DOCK1: variants seen among roughly 807,000 people sequenced by gnomAD.
DOCK1 encodes dedicator of cytokinesis protein 1.
DOCK1 carries 138 observed loss-of-function variants against 262.7 expected under a neutral mutation model. That is an observed-to-expected ratio of 0.53 (90% CI 0.46 to 0.61). The LOEUF (loss-of-function observed/expected upper bound fraction) is 0.61. Ranked by LOEUF, DOCK1 falls within the 20% of genes least tolerant of loss-of-function variation. The pLI, the probability that DOCK1 is intolerant of heterozygous loss-of-function variation, is 0.00. For synonymous variants in DOCK1, 866 were observed against 867.4 expected, an observed-to-expected ratio of 1.00 and a Z score of 0.03; for missense variants, 1,908 against 2,370.7, an observed-to-expected ratio of 0.80 and a Z score of 4.05.
intron 1 of DOCK1, among the ~76,000 whole-genome samples, chr10:126,938,298 T>C (rs2034694953): frequency 6.6e-6 from 1 of 152,196 alleles, no homozygotes; most frequent in African/African-American, 2.4e-5. Flanking sequence ...TCCGCCCGCC[T>C]CAGCATCCCA....
chr10:127,055,272 C>T (rs7089620), intron 22 of DOCK1, among the ~76,000 whole-genome samples: 68,583 of 151,990 alleles, frequency 0.45, 15,721 homozygotes, highest in Middle Eastern at 0.55. Context: ...ATCTCTCTGC[C>T]CCACCATCCT....
At chr10:127,424,226 C>A (rs554731857) in intron 46 of DOCK1, among the ~76,000 whole-genome samples, 2 of 152,186 alleles carry the variant, frequency 1.3e-5, no homozygotes, top group Non-Finnish European at 1.5e-5. Context: ...TTCCCATCAA[C>A]GTCAGGAACT....
chr10:126,912,589 G>A (rs2031948549), intron 1 of DOCK1, among the ~76,000 whole-genome samples: 4 of 151,818 alleles, frequency 2.6e-5, no homozygotes, highest in Non-Finnish European at 5.9e-5. Flanking sequence ...AGCCGGGCGT[G>A]GTGGCGGGCG....
At chr10:127,259,135 G>A (rs1348415411) in intron 29 of DOCK1, among the ~76,000 whole-genome samples, 1 of 152,190 alleles carries the variant, frequency 6.6e-6, no homozygotes, top group Non-Finnish European at 1.5e-5. Context: ...TAGATGGTGA[G>A]GAAGCCCCGG....
At chr10:126,953,309 A>T (rs1212912634) in intron 1 of DOCK1, among the ~76,000 whole-genome samples, 3 of 142,602 alleles carry the variant, frequency 2.1e-5, no homozygotes, top group African/African-American at 8.0e-5. Context: ...TGGTGATGGC[A>T]GTGGAGGTGG....
chr10:126,998,339 A>G (rs376494059), intron 8 of DOCK1, 90 bp downstream of exon 8: 2 of 1,542,416 alleles, frequency 1.3e-6, no homozygotes, highest in Non-Finnish European at 1.8e-6. Context: ...ATTCATGCTG[A>G]GAGGCCTTGG....
intron 29 of DOCK1, among the ~76,000 whole-genome samples, chr10:127,311,472 C>T (rs1036125314): frequency 6.6e-6 from 1 of 152,162 alleles, no homozygotes; most frequent in African/African-American, 2.4e-5. Flanking sequence ...TGAGCATTTC[C>T]TGTGAATGTT....
At chr10:126,929,880 G>A (rs1409963301) in intron 1 of DOCK1, among the ~76,000 whole-genome samples, 2 of 152,188 alleles carry the variant, frequency 1.3e-5, no homozygotes, top group African/African-American at 2.4e-5. Context: ...GAAGGTCACA[G>A]TGTTGTGCAG....
At chr10:127,039,955 G>T (rs780843121) in intron 19 of DOCK1, among the ~76,000 whole-genome samples, 1 of 152,206 alleles carries the variant, frequency 6.6e-6, no homozygotes, top group African/African-American at 2.4e-5. Flanking sequence ...TCATGGCTCC[G>T]TGTGAAGGCC....
chr10:127,238,159 C>A (rs931755310), intron 27 of DOCK1, among the ~76,000 whole-genome samples: 3 of 152,176 alleles, frequency 2.0e-5, no homozygotes, highest in African/African-American at 7.2e-5. Context: ...AATGTAAGAT[C>A]TCTTCCCTGT....
intron 27 of DOCK1, among the ~76,000 whole-genome samples, chr10:127,134,716 G>A (rs2050543628): frequency 6.6e-6 from 1 of 152,146 alleles, no homozygotes; most frequent in Non-Finnish European, 1.5e-5. Context: ...TTCTGCATGT[G>A]TCAGAAGAGG....
At chr10:127,340,673 A>G (rs1052948505) in intron 30 of DOCK1, among the ~76,000 whole-genome samples, 1 of 152,206 alleles carries the variant, frequency 6.6e-6, no homozygotes, top group Non-Finnish European at 1.5e-5. Context: ...TCCTAACATG[A>G]TTTTAGCAAT....
intron 38 of DOCK1, among the ~76,000 whole-genome samples, chr10:127,394,422 A>AT (rs2066697421): frequency 6.7e-6 from 1 of 150,222 alleles, no homozygotes; most frequent in Non-Finnish European, 1.5e-5. Flanking sequence ...GCAAATTTCC[A>AT]TTTTTGGTCA....
intron 40 of DOCK1, among the ~76,000 whole-genome samples, chr10:127,406,344 C>T (rs1301985660): frequency 6.6e-6 from 1 of 152,190 alleles, no homozygotes; most frequent in Non-Finnish European, 1.5e-5. Flanking sequence ...TCACACACAG[C>T]AGGCTCCAGG....
chr10:127,192,731 C>A (rs2056842627), intron 27 of DOCK1: 1 of 152,208 alleles, frequency 6.6e-6, no homozygotes, highest in African/African-American at 2.4e-5. Flanking sequence ...CCTTCAGGAT[C>A]TGAAACAGAC....
rs142185479 is a variant in DOCK1 at position 127,339,438 on chromosome 10, G to A, written c.3123+354G>A. 3.2e-3 allele frequency among the ~76,000 whole-genome samples: 481 copies of A among 152,192 alleles called. 2 individuals are homozygous for A. Among genetic ancestry groups the A allele is most frequent in the Non-Finnish European group, 5.5e-3 (374 of 68,016 alleles). ...TGGAGGGAGGATCAGCAGAGGAGGA[G>A]ACCCAGGTCTGCACCTCGAGCTCAG... On this transcript the variant is annotated intron_variant, in intron 30 of 51. Transcript: ENST00000623213.
At chr10:127,425,219 G>A (rs1419303353) in intron 46 of DOCK1, among the ~76,000 whole-genome samples, 1 of 152,146 alleles carries the variant, frequency 6.6e-6, no homozygotes, top group Non-Finnish European at 1.5e-5. Flanking sequence ...CAGAAAGGGA[G>A]ACTTTTCCTT....
At chr10:127,306,735 G>T (rs1471305803) in intron 29 of DOCK1, among the ~76,000 whole-genome samples, 1 of 152,072 alleles carries the variant, frequency 6.6e-6, no homozygotes, top group African/African-American at 2.4e-5. Context: ...ACTGTATGGG[G>T]GACTTTAAAA....
intron 27 of DOCK1, among the ~76,000 whole-genome samples, chr10:127,130,500 TG>T (rs2050258272): frequency 6.6e-6 from 1 of 152,158 alleles, no homozygotes; most frequent in African/African-American, 2.4e-5. Context: ...GATGGGAAGC[TG>T]GGAATGTGGA....
Sources: gnomAD v4.1 joint callset for allele counts (sites outside exome capture counted in the v4.1 genomes callset) on GRCh38, gnomAD v4.1.1 for gene constraint, MANE v1.5 for transcripts, NCBI Gene and HGNC (gene_info 2026-07-23, HGNC 2026-07-21) for gene names.